Variants in GPC6 observed in about 807,000 individuals in gnomAD.
GPC6 encodes glypican-6.
In GPC6, 14 loss-of-function variants were observed where a neutral mutation model predicts 55.2. That is an observed-to-expected ratio of 0.25 (90% confidence interval 0.17 to 0.40). GPC6 has a LOEUF of 0.40. Among genes scored for constraint, GPC6 ranks in the 10% least tolerant of loss-of-function variants. The pLI, the probability that GPC6 is intolerant of heterozygous loss-of-function variation, is 1.00. For missense variants in GPC6, 641 were observed against 708.5 expected (o/e 0.90, Z 1.08); for synonymous variants, 278 against 259.6 (o/e 1.07, Z -0.68).
chr13:93,846,719 C>G (rs1269740509), intron 3 of GPC6, among the ~76,000 whole-genome samples: 1 of 152,106 alleles, frequency 6.6e-6, no homozygotes, highest in Non-Finnish European at 1.5e-5. Context: ...GAGACTGAGG[C>G]AGAAGAATCA....
intron 1 of GPC6, among the ~76,000 whole-genome samples, chr13:93,462,430 A>G (rs1050197684): frequency 6.6e-6 from 1 of 152,188 alleles, no homozygotes; most frequent in Non-Finnish European, 1.5e-5. Flanking sequence ...CCCTGGGTAT[A>G]GATAAGACTT....
intron 2 of GPC6, among the ~76,000 whole-genome samples, chr13:93,700,133 A>G (rs1218420416): frequency 2.6e-5 from 4 of 152,140 alleles, no homozygotes; most frequent in Non-Finnish European, 4.4e-5. Context: ...GCGCACAGTT[A>G]TGAAAACAAA....
chr13:93,895,234 G>GTGTATGTA (rs1196315147), intron 3 of GPC6, among the ~76,000 whole-genome samples: 4 of 108,218 alleles, frequency 3.7e-5, no homozygotes, highest in Middle Eastern at 5.4e-3. Context: ...GTGTGTGTGT[G>GTGTATGTA]TATATATATA....
intron 4 of GPC6, among the ~76,000 whole-genome samples, chr13:94,194,450 A>G (rs1889498603): frequency 6.6e-6 from 1 of 152,194 alleles, no homozygotes; most frequent in Non-Finnish European, 1.5e-5. Flanking sequence ...TGGCATTCAC[A>G]GCAATCTAGA....
intron 6 of GPC6, among the ~76,000 whole-genome samples, chr13:94,347,779 C>T (rs939504617): frequency 1.3e-5 from 2 of 152,260 alleles, no homozygotes; most frequent in South Asian, 2.1e-4. Flanking sequence ...TAAAGCTACA[C>T]AAAAAACTGC....
intron 1 of GPC6, among the ~76,000 whole-genome samples, chr13:93,477,918 G>T (rs7990422): frequency 6.6e-6 from 1 of 151,944 alleles, no homozygotes; most frequent in African/African-American, 2.4e-5. Flanking sequence ...ACATAGTACC[G>T]TATATGAGCT....
chr13:94,203,091 C>A (rs1889803893), intron 4 of GPC6, among the ~76,000 whole-genome samples: 1 of 148,840 alleles, frequency 6.7e-6, no homozygotes, highest in African/African-American at 2.5e-5. Flanking sequence ...ATAAATATGA[C>A]TCACTTATGT....
intron 2 of GPC6, among the ~76,000 whole-genome samples, chr13:93,745,341 T>A: frequency 6.6e-6 from 1 of 152,098 alleles, no homozygotes; most frequent in East Asian, 1.9e-4. Flanking sequence ...GAATGACTCC[T>A]TTTTTTGACC....
intron 4 of GPC6, among the ~76,000 whole-genome samples, chr13:94,128,780 A>G (rs1886909926): frequency 6.6e-6 from 1 of 152,258 alleles, no homozygotes; most frequent in African/African-American, 2.4e-5. Context: ...ATTTGTGTGC[A>G]TTTGCCATCA....
intron 2 of GPC6, among the ~76,000 whole-genome samples, chr13:93,731,633 A>T (rs769218754): frequency 2.6e-5 from 4 of 152,166 alleles, no homozygotes; most frequent in Non-Finnish European, 4.4e-5. Context: ...TATGTGCTGT[A>T]TATTTTAAGT....
chr13:93,753,746 C>G (rs772303736), intron 2 of GPC6, among the ~76,000 whole-genome samples: 24 of 152,064 alleles, frequency 1.6e-4, no homozygotes, highest in Admixed American at 1.2e-3. Flanking sequence ...ACCACCCTTC[C>G]CAGCCTCTGG....
At chr13:94,344,294 G>A (rs1268134636) in intron 6 of GPC6, among the ~76,000 whole-genome samples, 1 of 152,226 alleles carries the variant, frequency 6.6e-6, no homozygotes, top group Non-Finnish European at 1.5e-5. Flanking sequence ...GAAATGTAAA[G>A]AATGTTTTGT....
chr13:94,251,597 C>T (rs1482297383), intron 4 of GPC6, among the ~76,000 whole-genome samples: 6 of 151,326 alleles, frequency 4.0e-5, no homozygotes, highest in Non-Finnish European at 8.8e-5. Context: ...AGTCTCAGGA[C>T]AAAGATTAAT....
chr13:94,384,961 G>T (rs1404110259), intron 7 of GPC6, among the ~76,000 whole-genome samples: 1 of 152,140 alleles, frequency 6.6e-6, no homozygotes, highest in Non-Finnish European at 1.5e-5. Context: ...CAGGCTCTGT[G>T]CAAGGCCCTG....
At chr13:93,703,769 A>T (rs1003432321) in intron 2 of GPC6, among the ~76,000 whole-genome samples, 1 of 151,966 alleles carries the variant, frequency 6.6e-6, no homozygotes, top group Non-Finnish European at 1.5e-5. Context: ...TGGTACTTTG[A>T]AGACTTATCC....
At chr13:94,221,547 GC>G (rs1890384421) in intron 4 of GPC6, among the ~76,000 whole-genome samples, 2 of 152,032 alleles carry the variant, frequency 1.3e-5, no homozygotes, top group African/African-American at 4.8e-5. Flanking sequence ...CTCACATTAT[GC>G]TCACACCTTG....
Position 94,401,947 on chromosome 13 carries a change from T to TTG in GPC6, c.1466-1068_1466-1067insTG, listed in dbSNP as rs1555328075. Among the ~76,000 whole-genome samples the TTG allele has an allele frequency of 6.4e-3, 946 of 146,882 alleles. 9 individuals carry two copies. Among genetic ancestry groups the TTG allele is most frequent in the African/African-American group, 0.02 (778 of 39,260 alleles). ...ACCCTATGATTGATTGATTGATTGA[T>TTG]AGATAGATAGATAGATAGATAGATA... On this transcript the variant is annotated intron_variant, in intron 8 of 8. Coordinates refer to ENST00000377047, the MANE Select transcript of GPC6 (RefSeq NM_005708.5).
chr13:93,925,446 A>G (rs958140583), intron 3 of GPC6, among the ~76,000 whole-genome samples: 1 of 152,180 alleles, frequency 6.6e-6, no homozygotes, highest in Non-Finnish European at 1.5e-5. Flanking sequence ...GAAAAATTTG[A>G]GTTGGTTATA....
intron 1 of GPC6, among the ~76,000 whole-genome samples, chr13:93,274,177 AAGC>A (rs1197639680): frequency 3.3e-5 from 5 of 152,178 alleles, no homozygotes; most frequent in Non-Finnish European, 1.5e-5. Context: ...GAGTGGTAAA[AAGC>A]AGTCACCTAC....
Sources: gnomAD v4.1 joint callset for allele counts (sites outside exome capture counted in the v4.1 genomes callset) on GRCh38, gnomAD v4.1.1 for gene constraint, MANE v1.5 for transcripts, NCBI Gene and HGNC (gene_info 2026-07-23, HGNC 2026-07-21) for gene names.